MLKL: variants seen among roughly 807,000 people sequenced by gnomAD.
The protein encoded by MLKL is mixed lineage kinase domain-like protein.
A neutral mutation model predicts 56.5 loss-of-function variants in MLKL; 55 were observed. The ratio of observed to expected loss-of-function variants is 0.97; its 90% confidence interval spans 0.78 to 1.22. The LOEUF is 1.22. Among genes scored for constraint, MLKL ranks in the 50% most tolerant of loss-of-function variants. The pLI is 0.00. For missense variants in MLKL, 694 were observed against 573.9 expected, an observed-to-expected ratio of 1.21 and a Z score of -2.14; for synonymous variants, 251 against 208.3, an observed-to-expected ratio of 1.20 and a Z score of -1.76.
chr16:74,699,244 C>A (rs936439960), intron 1 of MLKL, among the ~76,000 whole-genome samples: 17 of 152,158 alleles, frequency 1.1e-4, no homozygotes, highest in African/African-American at 3.6e-4. Flanking sequence ...CAATCCTTCC[C>A]AAATTTAAAT....
chr16:74,681,712 T>G (rs1274783776), intron 6 of MLKL, among the ~76,000 whole-genome samples: 1 of 151,588 alleles, frequency 6.6e-6, no homozygotes, highest in Non-Finnish European at 1.5e-5. Context: ...GAGAATGGCA[T>G]GAACCTGGGA....
At position 74,675,004 on chromosome 16, in the gene MLKL, T is replaced by A. The variant is rs779745242; in HGVS notation, c.1337A>T (p.Asp446Val). ...AGAGGGATCATGGGCCCGGCACTCA[T>A]CAATGATCTCCCGCAGCTCTGAAGG... ...DCPSELREIIDECRAHDPSVR... is the reference protein window; with the variant it reads ...DCPSELREIIVECRAHDPSVR... The change falls in exon 10 of 11, where the codon GAT (aspartate) becomes GTT (valine). Residue 446 changes from aspartate (D) to valine (V), a missense_variant. Physicochemically the swap from Asp to Val is radical, Grantham distance 152 (BLOSUM62 -3). Transcript: ENST00000308807. The A allele has an allele frequency of 3.1e-6, 5 of 1,614,170 alleles. No homozygotes were observed. Among genetic ancestry groups the A allele is most frequent in the Non-Finnish European group, 4.2e-6 (5 of 1,180,034 alleles).
chr16:74,690,277 T>C (rs894747567), intron 4 of MLKL, among the ~76,000 whole-genome samples: 31 of 152,142 alleles, frequency 2.0e-4, no homozygotes, highest in African/African-American at 7.2e-4. Context: ...ACACTAAGGG[T>C]TGGTGAGGTT....
Position 74,675,632 on chromosome 16 carries a change from C to T in MLKL, c.1171G>A (p.Val391Ile), listed in dbSNP as rs769718663. 3 of 1,613,576 alleles carry T rather than the reference C, an allele frequency of 1.9e-6. No homozygotes were observed. The highest frequency in any genetic ancestry group is 1.1e-5 in the South Asian group (1 of 91,064). Residue 391 changes from valine (V) to isoleucine (I), a missense_variant, in exon 8 of 11, where the codon GTA (valine) becomes ATA (isoleucine). Coordinates refer to ENST00000308807, the MANE Select transcript of MLKL (RefSeq NM_152649.4). Reference sequence around the variant, plus strand: ...GTGTACCTGTATATTTCAGACTTTACATCATATTGATAAAATACATCTTCC... The same window carrying T: ...GTGTACCTGTATATTTCAGACTTTATATCATATTGATAAAATACATCTTCC... ...ELEDVFYQYD[V>I]KSEIYSFGIV...
intron 7 of MLKL, chr16:74,676,244 G>A (rs1200507772): frequency 1.0e-6 from 1 of 991,618 alleles, no homozygotes; most frequent in African/African-American, 1.7e-5. Context: ...GGGTCAGCCT[G>A]ATCCTTTGGC....
chr16:74,684,684 C>T lies in MLKL; in HGVS notation c.820+802G>A, dbSNP rs564730361. Among the ~76,000 whole-genome samples the T allele has an allele frequency of 7.0e-4, 106 of 150,994 alleles. No homozygotes were observed. In the Middle Eastern group the frequency reaches 0.017, roughly 25 times the overall value. Reference sequence around the variant, plus strand: ...TAATTTTTTGTATTTTTAGTAGAGACGGGGTTTCATCATGTTGGCCAGGAC... The same window carrying T: ...TAATTTTTTGTATTTTTAGTAGAGATGGGGTTTCATCATGTTGGCCAGGAC... On this transcript the variant is annotated intron_variant, in intron 5 of 10. Transcript: ENST00000308807.
intron 1 of MLKL, among the ~76,000 whole-genome samples, chr16:74,698,020 A>G (rs895651957): frequency 2.0e-5 from 3 of 152,144 alleles, no homozygotes; most frequent in African/African-American, 7.2e-5. Flanking sequence ...CCTGGGCAAC[A>G]TGGTGAAACC....
At position 74,675,759 on chromosome 16, in the gene MLKL, TGCAAGCTAGATAGAGAG is replaced by T; in HGVS notation, c.1039-12_1043del. 6.2e-7 allele frequency: 1 copy of T among 1,614,004 alleles called. No individual in the cohort carries two copies. Among genetic ancestry groups the T allele is most frequent in the Non-Finnish European group, 8.5e-7 (1 of 1,179,978 alleles). On this transcript the variant is annotated splice_acceptor_variant and splice_polypyrimidine_tract_variant and coding_sequence_variant and intron_variant, in exon 8 of 11. Transcript: ENST00000308807. LOFTEE classifies it high-confidence loss of function. ...TCTGTGTTTTCCTCAACTCAAATCC[TGCAAGCTAGATAGAGAG>T]GCAACTTAGAAAGAAACAAGCAAGA...
In MLKL at chr16:74,682,786, A is replaced by C. The variant is rs1960070833; in HGVS notation, c.821T>G (p.Val274Gly). ...RIFGICIDETVTPPQFSIVME... is the reference protein window; with the variant it reads ...RIFGICIDETGTPPQFSIVME... Reference sequence around the variant, plus strand: ...GACAATGGAGAATTGAGGCGGAGTCACTGGTGGAAAGGAGCCAGACACTAT... The same window carrying C: ...GACAATGGAGAATTGAGGCGGAGTCCCTGGTGGAAAGGAGCCAGACACTAT... The change falls in exon 6 of 11, where the codon GTG (valine) becomes GGG (glycine). Residue 274 changes from valine to glycine, a missense_variant and splice_region_variant. By Grantham distance (109) the Val-to-Gly change is moderately radical (BLOSUM62 -3). Transcript: ENST00000308807. 2.5e-6 allele frequency: 4 copies of C among 1,613,994 alleles called. No individual in the cohort carries two copies. The East Asian group carries it at 8.9e-5, about 36-fold the overall frequency.
intron 2 of MLKL, among the ~76,000 whole-genome samples, chr16:74,692,782 C>T (rs1227508349): frequency 6.6e-6 from 1 of 152,248 alleles, no homozygotes; most frequent in African/African-American, 2.4e-5. Flanking sequence ...GGACATTCAC[C>T]TTGGAGAGTC....
chr16:74,673,698 A>G (rs1282174605), intron 10 of MLKL, among the ~76,000 whole-genome samples: 1 of 152,112 alleles, frequency 6.6e-6, no homozygotes, highest in Non-Finnish European at 1.5e-5. Context: ...AAAGGAAGGA[A>G]GGCAGACAAG....
intron 5 of MLKL, among the ~76,000 whole-genome samples, chr16:74,684,238 G>A (rs375609214): frequency 2.6e-5 from 4 of 151,984 alleles, no homozygotes; most frequent in East Asian, 3.9e-4. Flanking sequence ...GTGAGCCACC[G>A]TGCCTGGCCT....
intron 4 of MLKL, among the ~76,000 whole-genome samples, chr16:74,690,354 T>C (rs952073923): frequency 6.6e-6 from 1 of 152,202 alleles, no homozygotes; most frequent in Non-Finnish European, 1.5e-5. Flanking sequence ...TCACTTAATA[T>C]ACACATATCC....
chr16:74,680,385 T>C (rs1191880934), intron 6 of MLKL, among the ~76,000 whole-genome samples: 2 of 152,138 alleles, frequency 1.3e-5, no homozygotes, highest in African/African-American at 4.8e-5. Flanking sequence ...TGGGATAAGG[T>C]GGTATGCAAG....
intron 6 of MLKL, 26 bp from the exon 7 acceptor site, chr16:74,679,006 T>A (rs997040021): frequency 1.2e-6 from 2 of 1,602,972 alleles, no homozygotes; most frequent in African/African-American, 2.7e-5. Context: ...GCGGGGAGCA[T>A]AAGTACCTTT....
intron 6 of MLKL, among the ~76,000 whole-genome samples, chr16:74,682,322 T>C (rs754935473): frequency 1.6e-4 from 25 of 152,188 alleles, no homozygotes; most frequent in Non-Finnish European, 3.1e-4. Context: ...GATGCACTTA[T>C]ACTAAAAAAT....
At chr16:74,679,051 C>G in intron 6 of MLKL, 71 bp from the exon 7 acceptor site, 1 of 1,260,788 alleles carries the variant, frequency 7.9e-7, no homozygotes, top group Non-Finnish European at 1.2e-6. Context: ...ACAATCATAA[C>G]TGGGCTGATG....
intron 9 of MLKL, 46 bp from the exon 10 acceptor site, chr16:74,675,146 G>T (rs771106600): frequency 1.2e-6 from 2 of 1,606,908 alleles, no homozygotes; most frequent in East Asian, 2.2e-5. Context: ...TCCGCTACTC[G>T]TACATCTCTC....
At chr16:74,686,429 A>G (rs1960331922) in intron 4 of MLKL, among the ~76,000 whole-genome samples, 1 of 152,144 alleles carries the variant, frequency 6.6e-6, no homozygotes, top group Admixed American at 6.5e-5. Context: ...AAAAATACAA[A>G]AAAATTAGCT....
Sources: gnomAD v4.1 joint callset for allele counts (sites outside exome capture counted in the v4.1 genomes callset) on GRCh38, gnomAD v4.1.1 for gene constraint, MANE v1.5 for transcripts, NCBI Gene and HGNC (gene_info 2026-07-23, HGNC 2026-07-21) for gene names.